The following ANKRD30A variants were observed in gnomAD, a reference collection of about 807,000 sequenced individuals.
ANKRD30A encodes ankyrin repeat domain-containing protein 30A.
Under a neutral mutation model 166.3 loss-of-function variants are expected in ANKRD30A, and 170 were observed. That is an observed-to-expected ratio of 1.02 (90% CI 0.90 to 1.16). The LOEUF (loss-of-function observed/expected upper bound fraction) is 1.16, where lower values mean the gene tolerates loss of function less well. Ranked by LOEUF, ANKRD30A falls within the 50% of genes most tolerant of loss-of-function variation. ANKRD30A has a pLI of 0.00. For missense variants in ANKRD30A, 1,630 were observed against 1,518.0 expected (o/e 1.07, Z -1.23); for synonymous variants, 564 against 508.9 (o/e 1.11, Z -1.46).
chr10:37,184,038 A>G (rs1359056877), intron 24 of ANKRD30A, among the ~76,000 whole-genome samples: 1 of 151,808 alleles, frequency 6.6e-6, no homozygotes, highest in East Asian at 1.9e-4. Context: ...ATAATTTCTC[A>G]GGCGATGCTG....
intron 25 of ANKRD30A, among the ~76,000 whole-genome samples, chr10:37,191,839 C>G (rs1368111073): frequency 6.6e-6 from 1 of 151,860 alleles, no homozygotes; most frequent in East Asian, 1.9e-4. Context: ...ACTAGTAATA[C>G]AAAAAATCAG....
intron 9 of ANKRD30A, among the ~76,000 whole-genome samples, chr10:37,148,750 A>C (rs1168255736): frequency 6.6e-6 from 1 of 152,128 alleles, no homozygotes; most frequent in Non-Finnish European, 1.5e-5. Context: ...TTAGCTATTC[A>C]AGTGAGATAT....
the ANKRD30A span, among the ~76,000 whole-genome samples, chr10:37,246,507 C>A: frequency 2.0e-4 from 30 of 152,324 alleles, no homozygotes; most frequent in African/African-American, 6.7e-4. Context: ...TTATCCTTAG[C>A]AAACTATTTC....
intron 12 of ANKRD30A, among the ~76,000 whole-genome samples, chr10:37,152,836 A>T (rs1838056330): frequency 6.6e-6 from 1 of 152,112 alleles, no homozygotes. Context: ...CCTCTTAGAA[A>T]CAAGCAGCTG....
chr10:37,192,218 G>A (rs567645586), intron 25 of ANKRD30A, among the ~76,000 whole-genome samples: 2 of 151,960 alleles, frequency 1.3e-5, no homozygotes, highest in South Asian at 2.1e-4. Flanking sequence ...TGTAATTTTA[G>A]TGGGGACAGT....
At chr10:37,247,814 G>A in the ANKRD30A span, among the ~76,000 whole-genome samples, 191 of 151,000 alleles carry the variant, frequency 1.3e-3, 2 homozygotes, top group East Asian at 0.032. Context: ...CCCGGGAGGC[G>A]GAGCTTGCAG....
chr10:37,233,011 A>G (rs1481101539), downstream of ANKRD30A, among the ~76,000 whole-genome samples: 1 of 151,924 alleles, frequency 6.6e-6, no homozygotes, highest in East Asian at 1.9e-4. Flanking sequence ...ATTTCAATCA[A>G]TGCACATTGG....
intron 25 of ANKRD30A, among the ~76,000 whole-genome samples, chr10:37,190,634 G>C (rs760222190): frequency 6.6e-6 from 1 of 151,760 alleles, no homozygotes; most frequent in African/African-American, 2.4e-5. Flanking sequence ...AATCCAGCTA[G>C]ATGATTTTGG....
In ANKRD30A at chr10:37,153,652, A is replaced by T. The variant is rs1424489494; in HGVS notation, c.1788A>T (p.Gly596=). 1 of 1,611,302 alleles carries T rather than the reference A, an allele frequency of 6.2e-7. No individual in the cohort carries two copies. The highest frequency in any genetic ancestry group is 1.7e-5 in the Admixed American group (1 of 59,984). ...AAAAAGAAATAGATAAAATAAATGG[A>T]AAATTAGAAGGTAAGAACCGTTTTT... ...THQKEIDKIN[G]KLEESPNKDG... is the part of the protein sequence containing the mutation. The change falls in exon 13 of 36, where the codon GGA becomes GGT. Residue 596 remains glycine, a synonymous_variant. Coordinates refer to ENST00000361713, the MANE Select transcript of ANKRD30A (RefSeq NM_052997.3).
the ANKRD30A span, among the ~76,000 whole-genome samples, chr10:37,258,721 T>TG: frequency 6.6e-6 from 1 of 150,642 alleles, no homozygotes; most frequent in Non-Finnish European, 1.5e-5. Context: ...CCCAGCACTT[T>TG]GGGAGGCCGA....
the ANKRD30A span, among the ~76,000 whole-genome samples, chr10:37,239,536 G>A: frequency 1.3e-5 from 2 of 152,052 alleles, no homozygotes; most frequent in Admixed American, 1.3e-4. Context: ...TGAAGGAGGA[G>A]AATGGAAAGT....
rs1840519576 is a variant in ANKRD30A, at chr10:37,191,015, C to T, written c.2512+1458C>T. ...GACTAATTTTAAAAACCATAAAACTCTGAATTTATGACTTGAATACCTAAA... is the reference window on the plus strand; with the variant it reads ...GACTAATTTTAAAAACCATAAAACTTTGAATTTATGACTTGAATACCTAAA... On this transcript the variant is annotated intron_variant, in intron 25 of 35. Transcript: ENST00000361713. Among the ~76,000 whole-genome samples, 2 of 151,778 alleles carry T rather than the reference C, an allele frequency of 1.3e-5. 1 individual carries two copies. The highest frequency in any genetic ancestry group is 2.9e-5 in the Non-Finnish European group (2 of 67,992).
chr10:37,130,752 A>G (rs1836334010), intron 3 of ANKRD30A, among the ~76,000 whole-genome samples: 1 of 152,200 alleles, frequency 6.6e-6, no homozygotes, highest in African/African-American at 2.4e-5. Flanking sequence ...TTCCTCTTAA[A>G]GGATTGAATC....
the ANKRD30A span, among the ~76,000 whole-genome samples, chr10:37,250,679 T>C: frequency 6.6e-6 from 1 of 152,094 alleles, no homozygotes; most frequent in Non-Finnish European, 1.5e-5. Flanking sequence ...TAGAAGGGAC[T>C]CCAGAGAGCT....
In ANKRD30A at chr10:37,197,404, T is replaced by G; in HGVS notation, c.2644-4T>G. 1 of 1,612,656 alleles carries G rather than the reference T, an allele frequency of 6.2e-7. No homozygotes were observed. Among genetic ancestry groups the G allele is most frequent in the Non-Finnish European group, 8.5e-7 (1 of 1,179,712 alleles). ...TTAATCATTTTGCTTCCAACCCCAT[T>G]TAGCCTGCCATTGAAATGCAAAAGT... On this transcript the variant is annotated splice_region_variant and splice_polypyrimidine_tract_variant and intron_variant, in intron 28 of 35. Transcript: ENST00000361713.
intron 31 of ANKRD30A, among the ~76,000 whole-genome samples, chr10:37,206,621 C>A (rs1842012605): frequency 6.6e-6 from 1 of 152,030 alleles, no homozygotes; most frequent in South Asian, 2.1e-4. Context: ...GAAACCCAGT[C>A]TCTACTAAAA....
chr10:37,217,518 A>C (rs1842663550), intron 32 of ANKRD30A, among the ~76,000 whole-genome samples, 177 bp from the exon 33 acceptor site: 1 of 150,908 alleles, frequency 6.6e-6, no homozygotes, highest in South Asian at 2.1e-4. Flanking sequence ...CTATTTTTCA[A>C]GTATGTATGT....
intron 34 of ANKRD30A, among the ~76,000 whole-genome samples, chr10:37,230,336 G>A (rs1843363840): frequency 6.6e-6 from 1 of 152,012 alleles, no homozygotes; most frequent in Admixed American, 6.6e-5. Context: ...GGAAGTGGAA[G>A]TTAACTAGAT....
chr10:37,206,754 A>G lies in ANKRD30A; in HGVS notation c.2869+5429A>G, dbSNP rs572435801. Among the ~76,000 whole-genome samples, 67 of 152,278 alleles carry G rather than the reference A, an allele frequency of 4.4e-4. 1 individual carries two copies. The South Asian group carries it at 0.014, about 31-fold the overall frequency. On this transcript the variant is annotated intron_variant, in intron 31 of 35. Coordinates refer to ENST00000361713, the MANE Select transcript of ANKRD30A (RefSeq NM_052997.3). ...GACTGCAGTGAGCTGAGATTGCTCC[A>G]CTGCACTCCAGCCTGGGTGGCAGAG... is the stretch of plus-strand genomic sequence containing the variant.
Sources: allele counts gnomAD v4.1 joint callset (sites outside exome capture counted in the v4.1 genomes callset), GRCh38; gene constraint gnomAD v4.1.1; transcripts MANE v1.5; gene names NCBI Gene and HGNC (gene_info 2026-07-23, HGNC 2026-07-21).